Variants in SMC6 observed in about 807,000 individuals in gnomAD.
The protein encoded by SMC6 is structural maintenance of chromosomes 6, also known as structural maintenance of chromosomes protein 6.
Under a neutral mutation model 142.2 loss-of-function variants are expected in SMC6, and 79 were observed. The ratio of observed to expected loss-of-function variants is 0.56; its 90% CI spans 0.46 to 0.67. The LOEUF (loss-of-function observed/expected upper bound fraction) is 0.67. SMC6 is among the 30% of genes least tolerant of loss of function. The pLI is 0.00. For missense variants in SMC6, 1,072 were observed against 1,284.0 expected (o/e 0.83, Z 2.52); for synonymous variants, 411 against 412.4 (o/e 1.00, Z 0.04).
chr2:17,713,510 C>T (rs1425190755), intron 16 of SMC6: 1 of 471,160 alleles, frequency 2.1e-6, no homozygotes, highest in Non-Finnish European at 4.4e-6. Context: ...GCCAGGCACT[C>T]TTCTTCAGAG....
chr2:17,732,563 G>A (rs930023193), intron 5 of SMC6, among the ~76,000 whole-genome samples: 5 of 151,986 alleles, frequency 3.3e-5, no homozygotes, highest in Admixed American at 3.3e-4. Context: ...GCCGGGCATG[G>A]TAGTGCATGC....
At position 17,717,138 on chromosome 2, in the gene SMC6, T is replaced by C; in HGVS notation, c.1131A>G (p.Leu377=). 2 of 1,612,474 alleles carry C rather than the reference T, an allele frequency of 1.2e-6. No homozygotes were observed. The highest frequency in any genetic ancestry group is 1.7e-6 in the Non-Finnish European group (2 of 1,179,634). Residue 377 remains leucine (L), a synonymous_variant, in exon 13 of 28, where the codon TTA becomes TTG. Transcript: ENST00000448223. ...YNRSLNEYKA[L]KKDDEQLCKR... is the part of the protein sequence containing the mutation. ...TACAAAGCTGCTCATCATCTTTCTT[T>C]AATGCTTTATATTCGTTTAAGGATC... is the stretch of plus-strand genomic sequence containing the variant.
intron 20 of SMC6, 122 bp from the exon 21 acceptor site, chr2:17,700,500 C>A: frequency 1.5e-6 from 1 of 648,120 alleles, no homozygotes. Context: ...AGATCAAATA[C>A]AAATAGAACA....
intron 9 of SMC6, 138 bp downstream of exon 9, chr2:17,725,119 G>T: frequency 1.7e-6 from 1 of 605,324 alleles, no homozygotes; most frequent in Non-Finnish European, 2.8e-6. Context: ...ACACTACATT[G>T]CATATACTTC....
intron 2 of SMC6, among the ~76,000 whole-genome samples, chr2:17,746,933 T>C (rs1670780477): frequency 6.6e-6 from 1 of 152,128 alleles, no homozygotes; most frequent in African/African-American, 2.4e-5. Flanking sequence ...CCCCAAATAT[T>C]AGACCACAGC....
chr2:17,689,199 G>A (rs1318367394), intron 23 of SMC6, among the ~76,000 whole-genome samples: 1 of 152,084 alleles, frequency 6.6e-6, no homozygotes, highest in Non-Finnish European at 1.5e-5. Context: ...CCCAGAAAAC[G>A]ATACATCATC....
chr2:17,747,852 A>G (rs1389453988), intron 2 of SMC6, among the ~76,000 whole-genome samples: 1 of 152,184 alleles, frequency 6.6e-6, no homozygotes, highest in Admixed American at 6.5e-5. Context: ...ATATTCCATC[A>G]GTCACAGCAA....
chr2:17,720,771 C>A (rs1669328046), intron 11 of SMC6, among the ~76,000 whole-genome samples, 169 bp downstream of exon 11: 1 of 151,264 alleles, frequency 6.6e-6, no homozygotes, highest in African/African-American at 2.4e-5. Context: ...AAGAGAGTCA[C>A]CACAACAGGC....
chr2:17,670,405 T>C lies in SMC6; in HGVS notation c.3063+18A>G. The C allele has an allele frequency of 6.3e-7, 1 of 1,591,896 alleles. No individual in the cohort carries two copies. Among genetic ancestry groups the C allele is most frequent in the Non-Finnish European group, 8.5e-7 (1 of 1,173,014 alleles). ...ACAAACAAAAAAATGAAAAAGAGAA[T>C]TTAAAATTTAACAATACCATGTAGA... On this transcript the variant is annotated intron_variant, in intron 26 of 27. Transcript: ENST00000448223.
At chr2:17,710,075 C>T (rs909148650) in intron 16 of SMC6, among the ~76,000 whole-genome samples, 1 of 152,152 alleles carries the variant, frequency 6.6e-6, no homozygotes, top group African/African-American at 2.4e-5. Context: ...CACAACATGA[C>T]CTGACTTTAC....
At chr2:17,744,750 C>T (rs1670654775) in intron 3 of SMC6, among the ~76,000 whole-genome samples, 1 of 152,004 alleles carries the variant, frequency 6.6e-6, no homozygotes, top group South Asian at 2.1e-4. Flanking sequence ...GAGGAAGTTC[C>T]AGTCTATTCT....
chr2:17,677,188 T>C (rs992382545), intron 25 of SMC6, among the ~76,000 whole-genome samples: 2 of 152,104 alleles, frequency 1.3e-5, no homozygotes, highest in African/African-American at 4.8e-5. Flanking sequence ...AAAAGAACAA[T>C]GGCGTCTCCA....
chr2:17,696,230 A>C, intron 22 of SMC6, 59 bp downstream of exon 22: 1 of 1,551,226 alleles, frequency 6.4e-7, no homozygotes. Context: ...GGGAAAACAC[A>C]CTTTAATAAT....
chr2:17,699,122 T>C (rs1025594600), intron 21 of SMC6, among the ~76,000 whole-genome samples: 8 of 152,122 alleles, frequency 5.3e-5, no homozygotes, highest in Non-Finnish European at 1.2e-4. Context: ...ATCTCATTTT[T>C]TTTCCTTCCT....
intron 10 of SMC6, 49 bp downstream of exon 10, chr2:17,721,093 A>G: frequency 6.2e-7 from 1 of 1,612,084 alleles, no homozygotes; most frequent in South Asian, 1.1e-5. Flanking sequence ...AACCAAATAC[A>G]TTCTGCATAT....
At chr2:17,739,579 A>T (rs1344406678) in intron 4 of SMC6, among the ~76,000 whole-genome samples, 1 of 152,082 alleles carries the variant, frequency 6.6e-6, no homozygotes, top group Admixed American at 6.6e-5. Flanking sequence ...TGGGAGGTAG[A>T]GGTTATAGTG....
At chr2:17,686,299 T>C (rs1360440512) in intron 23 of SMC6, among the ~76,000 whole-genome samples, 1 of 152,044 alleles carries the variant, frequency 6.6e-6, no homozygotes, top group Non-Finnish European at 1.5e-5. Flanking sequence ...CTGGCCAACA[T>C]GGTAAAACCC....
chr2:17,707,258 C>G lies in SMC6; in HGVS notation c.1967G>C (p.Arg656Thr). The G allele has an allele frequency of 6.2e-7, 1 of 1,600,244 alleles. No homozygotes were observed. Among genetic ancestry groups the G allele is most frequent in the South Asian group, 1.1e-5 (1 of 88,254 alleles). ...CACATCTCTGCTTAGGAACTTAGGT[C>G]TTGTATTTTCAGATGAATAATAACG... is the stretch of plus-strand genomic sequence containing the variant. ...AGRYYSSENT[R>T]PKFLSRDVDS... The change falls in exon 18 of 28, where the codon AGA becomes ACA. Residue 656 changes from arginine (R) to threonine (T), a missense_variant. By Grantham distance (71) the Arg-to-Thr change is moderately conservative. Coordinates refer to ENST00000448223, the MANE Select transcript of SMC6 (RefSeq NM_001142286.2).
At chr2:17,727,913 T>C (rs530268176) in intron 7 of SMC6, among the ~76,000 whole-genome samples, 17 of 152,326 alleles carry the variant, frequency 1.1e-4, no homozygotes, top group African/African-American at 3.8e-4. Context: ...TTTCTTATTA[T>C]ATAGACCAGA....
Sources: gnomAD v4.1 joint callset for allele counts (sites outside exome capture counted in the v4.1 genomes callset) on GRCh38, gnomAD v4.1.1 for gene constraint, MANE v1.5 for transcripts, NCBI Gene and HGNC (gene_info 2026-07-23, HGNC 2026-07-21) for gene names.